Variants in ASRGL1 observed in about 807,000 individuals in gnomAD.
ASRGL1 encodes asparaginase and isoaspartyl peptidase 1, also known as isoaspartyl peptidase/L-asparaginase.
ASRGL1 carries 16 observed loss-of-function variants against 22.4 expected under a neutral mutation model. That is an observed-to-expected ratio of 0.71 (90% CI 0.48 to 1.08). The LOEUF is 1.08. Among genes scored for constraint, ASRGL1 ranks in the 50% least tolerant of loss-of-function variants. The pLI, the probability that ASRGL1 is intolerant of heterozygous loss-of-function variation, is 0.00. For synonymous variants in ASRGL1, 165 were observed against 159.3 expected, an observed-to-expected ratio of 1.04 and a Z score of -0.27; for missense variants, 412 against 410.1, an observed-to-expected ratio of 1.00 and a Z score of -0.04.
downstream of ASRGL1, among the ~76,000 whole-genome samples, chr11:62,395,634 G>A (rs559874275): frequency 6.6e-6 from 1 of 152,194 alleles, no homozygotes; most frequent in East Asian, 1.9e-4. Flanking sequence ...CAGAGGTGAT[G>A]GTGTGTGGGG....
chr11:62,369,884 G>T (rs1412078080), intron 4 of ASRGL1, among the ~76,000 whole-genome samples: 6 of 152,102 alleles, frequency 3.9e-5, no homozygotes, highest in African/African-American at 7.2e-5. Context: ...AAGCTCATGA[G>T]CCTATCTTCC....
intron 4 of ASRGL1, among the ~76,000 whole-genome samples, chr11:62,375,263 A>G (rs1390244956): frequency 6.6e-6 from 1 of 151,640 alleles, no homozygotes; most frequent in Non-Finnish European, 1.5e-5. Flanking sequence ...AGAGAAAGGT[A>G]CACAGTTGCC....
At chr11:62,364,280 T>C (rs1946557320) in intron 4 of ASRGL1, among the ~76,000 whole-genome samples, 2 of 152,086 alleles carry the variant, frequency 1.3e-5, no homozygotes, top group African/African-American at 4.8e-5. Flanking sequence ...CGTGTATGTG[T>C]GTGTGTTTGC....
chr11:62,400,657 A>C, the ASRGL1 span, among the ~76,000 whole-genome samples: 1 of 152,340 alleles, frequency 6.6e-6, no homozygotes, highest in East Asian at 1.9e-4. Flanking sequence ...TAGCCAGGGC[A>C]GAAATCATCA....
chr11:62,392,011 G>C, intron 6 of ASRGL1, 68 bp from the exon 7 acceptor site: 1 of 1,550,580 alleles, frequency 6.4e-7, no homozygotes, highest in Non-Finnish European at 8.9e-7. Flanking sequence ...ATTTCAAATG[G>C]CAAGTGATTT....
At chr11:62,371,710 T>G in intron 4 of ASRGL1, 3 of 584,802 alleles carry the variant, frequency 5.1e-6, no homozygotes, top group Middle Eastern at 6.9e-4. Flanking sequence ...CCCAGCACTT[T>G]GGGAGGCCGA....
At chr11:62,359,246 A>G (rs1946376149) in intron 4 of ASRGL1, among the ~76,000 whole-genome samples, 1 of 152,170 alleles carries the variant, frequency 6.6e-6, no homozygotes, top group Non-Finnish European at 1.5e-5. Context: ...CAGGAGTTCA[A>G]GACCAGCCTG....
intron 3 of ASRGL1, 142 bp from the exon 4 acceptor site, chr11:62,356,845 A>G (rs1946308679): frequency 5.5e-6 from 6 of 1,100,786 alleles, no homozygotes; most frequent in South Asian, 2.0e-5. Context: ...TTTTTTCAGC[A>G]TACAGAAAAG....
At chr11:62,390,497 C>T (rs774606239) in intron 5 of ASRGL1, among the ~76,000 whole-genome samples, 2 of 152,134 alleles carry the variant, frequency 1.3e-5, no homozygotes, top group Non-Finnish European at 2.9e-5. Context: ...CCAGGACCAC[C>T]CTTGGAGACA....
chr11:62,350,441 G>A (rs1946141826), intron 2 of ASRGL1, among the ~76,000 whole-genome samples: 3 of 152,098 alleles, frequency 2.0e-5, no homozygotes. Flanking sequence ...CATACCTCTG[G>A]GATAAATGCC....
At chr11:62,371,378 C>A in intron 4 of ASRGL1, 4 of 687,496 alleles carry the variant, frequency 5.8e-6, no homozygotes, top group Non-Finnish European at 9.3e-6. Context: ...GTGGGCGGTG[C>A]GGCTGTGGTG....
At chr11:62,377,131 G>C (rs1478623307) in intron 4 of ASRGL1, among the ~76,000 whole-genome samples, 1 of 152,130 alleles carries the variant, frequency 6.6e-6, no homozygotes, top group Non-Finnish European at 1.5e-5. Context: ...TAATCCTGCT[G>C]CATTTATATG....
chr11:62,387,233 G>C (rs1947238250), intron 4 of ASRGL1, among the ~76,000 whole-genome samples: 1 of 151,996 alleles, frequency 6.6e-6, no homozygotes, highest in Admixed American at 6.6e-5. Context: ...TTGAACTCAG[G>C]TTGTGTCACT....
At chr11:62,390,752 G>C (rs940230037) in intron 5 of ASRGL1, among the ~76,000 whole-genome samples, 3 of 152,216 alleles carry the variant, frequency 2.0e-5, no homozygotes, top group African/African-American at 7.2e-5. Flanking sequence ...ACAATCCAAT[G>C]CAGCATCTCA....
chr11:62,376,335 G>A (rs528003173), intron 4 of ASRGL1, among the ~76,000 whole-genome samples: 9 of 152,112 alleles, frequency 5.9e-5, no homozygotes, highest in East Asian at 1.9e-4. Flanking sequence ...TTCTGTCTCC[G>A]CGGAGGCGCT....
chr11:62,342,096 G>T (rs767323058), intron 2 of ASRGL1, among the ~76,000 whole-genome samples: 16 of 152,158 alleles, frequency 1.1e-4, no homozygotes, highest in Non-Finnish European at 1.9e-4. Flanking sequence ...CTACTGCTGT[G>T]TCCGGTTTCT....
At chr11:62,389,346 C>T (rs776771983) in intron 5 of ASRGL1, 95 bp downstream of exon 5, 13 of 1,192,416 alleles carry the variant, frequency 1.1e-5, no homozygotes, top group Middle Eastern at 1.9e-4. Context: ...TTTCTTGCTG[C>T]GTTCCCTTTC....
At chr11:62,401,310 T>C in the ASRGL1 span, among the ~76,000 whole-genome samples, 2 of 152,210 alleles carry the variant, frequency 1.3e-5, no homozygotes, top group Non-Finnish European at 2.9e-5. Flanking sequence ...AAGCTCATAG[T>C]TGGGGGCTGG....
chr11:62,366,075 A>G (rs1946604054), intron 4 of ASRGL1, among the ~76,000 whole-genome samples: 1 of 145,490 alleles, frequency 6.9e-6, no homozygotes, highest in Admixed American at 6.9e-5. Flanking sequence ...CCCTGGGGCC[A>G]ACATGGTGAA....
Sources: allele counts gnomAD v4.1 joint callset (sites outside exome capture counted in the v4.1 genomes callset), GRCh38; gene constraint gnomAD v4.1.1; transcripts MANE v1.5; gene names NCBI Gene and HGNC (gene_info 2026-07-23, HGNC 2026-07-21).